The following MID2 variants were observed in gnomAD, a reference collection of about 807,000 sequenced individuals.
MID2 encodes midline 2.
MID2 carries 13 observed loss-of-function variants against 46.1 expected under a neutral mutation model. That is an observed-to-expected ratio of 0.28 (90% CI 0.18 to 0.45). The LOEUF (loss-of-function observed/expected upper bound fraction) is 0.45. MID2 is among the 20% of genes least tolerant of loss of function. MID2 has a pLI of 1.00. For missense variants in MID2, 431 were observed against 575.4 expected, an observed-to-expected ratio of 0.75 and a Z score of 2.57; for synonymous variants, 199 against 212.3, an observed-to-expected ratio of 0.94 and a Z score of 0.55.
intron 3 of MID2, among the ~76,000 whole-genome samples, chrX:107,882,174 C>G (rs1401588023): frequency 8.9e-6 from 1 of 112,159 alleles, no homozygotes; most frequent in African/African-American, 3.2e-5. Flanking sequence ...GAAACTGGAT[C>G]CCTTCCTTAC....
At chrX:107,865,975 G>A (rs769072630) in intron 3 of MID2, among the ~76,000 whole-genome samples, 2 of 112,728 alleles carry the variant, frequency 1.8e-5, no homozygotes, top group Admixed American at 9.4e-5. Flanking sequence ...CCCAGGACAC[G>A]AGGAGGATTA....
rs191209005 is a variant in MID2, at chrX:107,849,589, T to C, written c.721-5020T>C. The stretch of plus-strand genomic sequence containing the variant: ...AGCTTTCTCAGATGGCAAAACATTT[T>C]CCTCTTTGGGAAGGGAATAAGAGAG... On this transcript the variant is annotated intron_variant, in intron 2 of 9. Coordinates refer to ENST00000262843, the MANE Select transcript of MID2 (RefSeq NM_012216.4). Among the ~76,000 whole-genome samples the C allele has an allele frequency of 5.4e-4, 61 of 112,106 alleles. 1 individual carries two copies. The East Asian group carries it at 7.8e-3, about 14-fold the overall frequency.
intron 1 of MID2, among the ~76,000 whole-genome samples, chrX:107,826,825 C>A (rs1367084096): frequency 8.8e-6 from 1 of 113,625 alleles, no homozygotes; most frequent in Non-Finnish European, 1.9e-5. Flanking sequence ...CAGCCGGCAG[C>A]CTCCTCGGCC....
chrX:107,926,602 A>G, intron 9 of MID2, 69 bp from the exon 10 acceptor site: 2 of 988,836 alleles, frequency 2.0e-6, no homozygotes, highest in East Asian at 3.1e-5. Flanking sequence ...TATATATCAT[A>G]TATGGTGTCT....
At position 107,930,580 on chromosome X, in the gene MID2, A is replaced by G. The variant is rs1466780746; in HGVS notation, c.*3507A>G. Among the ~76,000 whole-genome samples the G allele has an allele frequency of 8.9e-6, 1 of 112,134 alleles. No individual in the cohort carries two copies. The highest frequency in any genetic ancestry group is 3.2e-5 in the African/African-American group (1 of 30,906). ...GTCCCAAATTCTGAGTCAAACAGTG[A>G]AAAATGACTTCTAAGATACAACATG... is the stretch of plus-strand genomic sequence containing the variant. On this transcript the variant is annotated 3_prime_UTR_variant, in exon 10 of 10. Coordinates refer to ENST00000262843, the MANE Select transcript of MID2 (RefSeq NM_012216.4).
rs1284577199 is a variant in MID2, at chrX:107,931,449, G to T, written c.*4376G>T. Among the ~76,000 whole-genome samples, 1 of 111,560 alleles carries T rather than the reference G, an allele frequency of 9.0e-6. No individual in the cohort carries two copies. The highest frequency in any genetic ancestry group is 3.3e-5 in the African/African-American group (1 of 30,697). On this transcript the variant is annotated 3_prime_UTR_variant, in exon 10 of 10. Coordinates refer to ENST00000262843, the MANE Select transcript of MID2 (RefSeq NM_012216.4). ...TGGCTAGACTATTTATTAGACTATT[G>T]TTGGACTATTTTTTATCAAATGCTT...
intron 1 of MID2, among the ~76,000 whole-genome samples, chrX:107,834,996 A>G (rs1217234472): frequency 1.8e-5 from 2 of 111,733 alleles, no homozygotes; most frequent in African/African-American, 6.5e-5. Flanking sequence ...ATCATCCCAG[A>G]AAGTAACTCC....
At chrX:107,867,687 A>G (rs1931987447) in intron 3 of MID2, among the ~76,000 whole-genome samples, 1 of 111,392 alleles carries the variant, frequency 9.0e-6, no homozygotes, top group Non-Finnish European at 1.9e-5. Flanking sequence ...AGAAAAGGAT[A>G]GATTTGAATT....
At chrX:107,911,928 A>C (rs1019018668) in intron 5 of MID2, among the ~76,000 whole-genome samples, 2 of 111,757 alleles carry the variant, frequency 1.8e-5, no homozygotes, top group African/African-American at 6.5e-5. Context: ...CCAAGGAGGG[A>C]AAAGGAGCTG....
intron 1 of MID2, among the ~76,000 whole-genome samples, chrX:107,833,429 A>ATAT (rs1460261729): frequency 9.6e-6 from 1 of 104,418 alleles, no homozygotes; most frequent in African/African-American, 3.6e-5. Context: ...ATATATATAT[A>ATAT]TTTTTTTTAA....
At chrX:107,911,352 A>G (rs947043843) in intron 5 of MID2, among the ~76,000 whole-genome samples, 2 of 111,062 alleles carry the variant, frequency 1.8e-5, no homozygotes, top group Non-Finnish European at 3.8e-5. Context: ...CTCTAATTTT[A>G]TCTTTTCCAT....
At chrX:107,853,484 G>A (rs1056143506) in intron 2 of MID2, among the ~76,000 whole-genome samples, 1 of 110,467 alleles carries the variant, frequency 9.1e-6, no homozygotes, top group Admixed American at 9.6e-5. Context: ...ATTTTTTGTT[G>A]AGATGTGGTT....
chrX:107,910,213 A>AT (rs1932873820), intron 5 of MID2, among the ~76,000 whole-genome samples: 1 of 110,924 alleles, frequency 9.0e-6, no homozygotes, highest in African/African-American at 3.3e-5. Flanking sequence ...TATGAGTTTG[A>AT]TTTTTTCAGA....
chrX:107,875,755 AT>A (rs1932183675), intron 3 of MID2, among the ~76,000 whole-genome samples: 1 of 111,817 alleles, frequency 8.9e-6, no homozygotes, highest in African/African-American at 3.3e-5. Flanking sequence ...AAAATACCGG[AT>A]TAAGAGCCTT....
At position 107,841,067 on chromosome X, in the gene MID2, C is replaced by T. The variant is rs761567068; in HGVS notation, c.402C>T (p.Ser134=). ...RTYRPTTAMS[S]ERIACQFCEQ... is the part of the protein sequence containing the mutation. The stretch of plus-strand genomic sequence containing the variant: ...ACAGGCCCACCACTGCCATGTCTAG[C>T]GAGCGAATTGCTTGCCAATTCTGTG... Residue 134 remains serine (S), a synonymous_variant, in exon 2 of 10, where the codon AGC becomes AGT. Coordinates refer to ENST00000262843, the MANE Select transcript of MID2 (RefSeq NM_012216.4). The T allele has an allele frequency of 7.4e-6, 9 of 1,209,458 alleles. No individual in the cohort carries two copies. The highest frequency in any genetic ancestry group is 7.0e-5 in the African/African-American group (4 of 56,941).
intron 1 of MID2, among the ~76,000 whole-genome samples, chrX:107,836,789 G>C (rs970122438): frequency 4.5e-5 from 5 of 111,114 alleles, no homozygotes; most frequent in Non-Finnish European, 9.4e-5. Flanking sequence ...TTCAGTACCC[G>C]AAAATTGGCT....
At chrX:107,892,531 G>C (rs1218656567) in intron 3 of MID2, among the ~76,000 whole-genome samples, 1 of 111,884 alleles carries the variant, frequency 8.9e-6, no homozygotes, top group Non-Finnish European at 1.9e-5. Flanking sequence ...GGCCCATCCT[G>C]TTCCCCTCCT....
intron 3 of MID2, chrX:107,896,223 A>C (rs771290567): frequency 9.1e-6 from 1 of 110,298 alleles, no homozygotes; most frequent in African/African-American, 3.3e-5. Flanking sequence ...GCGCATGCCT[A>C]TAGTCCCAGC....
intron 3 of MID2, among the ~76,000 whole-genome samples, chrX:107,862,316 A>G (rs965949679): frequency 8.9e-6 from 1 of 111,840 alleles, no homozygotes; most frequent in African/African-American, 3.3e-5. Context: ...TTTTATCACT[A>G]TCTCTGAGAG....
Sources: gnomAD v4.1 joint callset for allele counts (sites outside exome capture counted in the v4.1 genomes callset) on GRCh38, gnomAD v4.1.1 for gene constraint, MANE v1.5 for transcripts, NCBI Gene and HGNC (gene_info 2026-07-23, HGNC 2026-07-21) for gene names.